Variants in TMEM192 observed in about 807,000 individuals in gnomAD.
The protein encoded by TMEM192 is transmembrane protein 192.
A neutral mutation model predicts 26.7 loss-of-function variants in TMEM192; 20 were observed. That is an observed-to-expected ratio of 0.75 (90% CI 0.53 to 1.09). The LOEUF (loss-of-function observed/expected upper bound fraction) is 1.09, where lower values mean the gene tolerates loss of function less well. Among genes scored for constraint, TMEM192 ranks in the 50% least tolerant of loss-of-function variants. TMEM192 has a pLI of 0.00. For synonymous variants in TMEM192, 124 were observed against 121.0 expected (o/e 1.02, Z -0.16); for missense variants, 304 against 322.6 (o/e 0.94, Z 0.44).
intron 3 of TMEM192, among the ~76,000 whole-genome samples, chr4:165,097,771 C>T (rs978101106): frequency 1.3e-5 from 2 of 151,130 alleles, no homozygotes; most frequent in Non-Finnish European, 2.9e-5. Flanking sequence ...CAGGCTACCA[C>T]ACATGACTAA....
intron 4 of TMEM192, among the ~76,000 whole-genome samples, chr4:165,086,332 G>A (rs1734615473): frequency 6.6e-6 from 1 of 152,100 alleles, no homozygotes; most frequent in South Asian, 2.1e-4. Context: ...ATGTATGGGT[G>A]TGAGGGTGTA....
At chr4:165,085,907 C>T (rs185908755) in intron 4 of TMEM192, among the ~76,000 whole-genome samples, 1 of 147,634 alleles carries the variant, frequency 6.8e-6, no homozygotes, top group African/African-American at 2.4e-5. Flanking sequence ...ACATGAGGCA[C>T]AGTTTAAATG....
chr4:165,100,512 TCAACCTTA>T (rs1735013607), intron 3 of TMEM192, 108 bp downstream of exon 3: 2 of 1,259,264 alleles, frequency 1.6e-6, no homozygotes, highest in African/African-American at 3.0e-5. Flanking sequence ...AGAACACACA[TCAACCTTA>T]CAAAAATGAG....
Position 165,073,043 on chromosome 4 carries a change from G to C in TMEM192, c.*6615C>G, listed in dbSNP as rs1734304683. The C allele has an allele frequency of 6.6e-6, 1 of 152,222 alleles. No individual in the cohort carries two copies. Among genetic ancestry groups the C allele is most frequent in the Admixed American group, 6.6e-5 (1 of 15,248 alleles). 9.4% of individuals were successfully genotyped at this position (152,222 alleles called of 1,614,324 possible). A position where few individuals can be genotyped will look rare whatever the true frequency, so the allele number is the denominator to read the frequency against. On this transcript the variant is annotated 3_prime_UTR_variant, in exon 6 of 6. Coordinates refer to ENST00000306480, the MANE Select transcript of TMEM192 (RefSeq NM_001100389.2). ...AAAGCAACTTGCAAAGCAGACAAAA[G>C]AAGAAGCTAGTGAAGTAGAAGAAAA... is the stretch of plus-strand genomic sequence containing the variant.
chr4:165,100,675 C>A lies in TMEM192; in HGVS notation c.392G>T (p.Arg131Leu). The change falls in exon 3 of 6, where the codon CGA (arginine) becomes CTA (leucine). Residue 131 changes from arginine (R) to leucine (L), a missense_variant. Arg to Leu is a moderately radical substitution (Grantham distance 102). Transcript: ENST00000306480. The stretch of plus-strand genomic sequence containing the variant: ...AAGTCTCTTGAGATGCCTTGTTGAT[C>A]GGTAGATCAAGTTATAGCCTCGGTT... ...IRNRGYNLIY[R>L]STRHLKRLAL... The A allele has an allele frequency of 6.2e-7, 1 of 1,614,108 alleles. No homozygotes were observed. The highest frequency in any genetic ancestry group is 8.5e-7 in the Non-Finnish European group (1 of 1,180,024).
intron 3 of TMEM192, among the ~76,000 whole-genome samples, chr4:165,096,236 C>T (rs919496825): frequency 4.6e-5 from 7 of 151,822 alleles, no homozygotes; most frequent in South Asian, 2.1e-4. Flanking sequence ...GGTGAAGCCT[C>T]GTCTCTACTA....
Position 165,074,982 on chromosome 4 carries a change from A to G in TMEM192, c.*4676T>C, listed in dbSNP as rs1734342589. On this transcript the variant is annotated 3_prime_UTR_variant, in exon 6 of 6. Coordinates refer to ENST00000306480, the MANE Select transcript of TMEM192 (RefSeq NM_001100389.2). ...ATTTATAAAAGACCATATAATTTGG[A>G]AAAAATGTTTAACACTTCATTAGTA... The G allele has an allele frequency of 6.6e-6, 1 of 152,272 alleles. No individual in the cohort carries two copies. Among genetic ancestry groups the G allele is most frequent in the Non-Finnish European group, 1.5e-5 (1 of 68,046 alleles). The allele number at this position is 152,272 out of a possible 1,614,324, so 9.4% of individuals were successfully genotyped here.
chr4:165,091,686 A>G (rs990622659), intron 3 of TMEM192, among the ~76,000 whole-genome samples: 4 of 150,998 alleles, frequency 2.6e-5, no homozygotes, highest in African/African-American at 9.8e-5. Context: ...ATGGAAAAAA[A>G]ATCTACACAT....
At chr4:165,103,122 T>C in intron 1 of TMEM192, 26 bp from the exon 2 acceptor site, 2 of 1,575,970 alleles carry the variant, frequency 1.3e-6, no homozygotes, top group Non-Finnish European at 1.7e-6. Flanking sequence ...ACAAGCAACC[T>C]ATAATCACCA....
In TMEM192 at chr4:165,112,797, C is replaced by T. The variant is rs1255194639; in HGVS notation, c.-24G>A. On this transcript the variant is annotated 5_prime_UTR_variant, in exon 1 of 6. Coordinates refer to ENST00000306480, the MANE Select transcript of TMEM192 (RefSeq NM_001100389.2). ...ATTTCCCGACGCCGGAGGCCGAAGCCCTGGCCAGCCCGGCCTCTCCACCTG... is the reference window on the plus strand; with the variant it reads ...ATTTCCCGACGCCGGAGGCCGAAGCTCTGGCCAGCCCGGCCTCTCCACCTG... The T allele has an allele frequency of 6.2e-7, 1 of 1,604,406 alleles. No individual in the cohort carries two copies. Among genetic ancestry groups the T allele is most frequent in the Non-Finnish European group, 8.5e-7 (1 of 1,178,518 alleles).
intron 3 of TMEM192, among the ~76,000 whole-genome samples, chr4:165,098,775 G>A (rs1489451821): frequency 6.6e-6 from 1 of 151,728 alleles, no homozygotes; most frequent in African/African-American, 2.4e-5. Flanking sequence ...TCGGCTCACT[G>A]TAACCTCTGC....
At chr4:165,092,171 G>GAGTGCAA (rs1029011616) in intron 3 of TMEM192, among the ~76,000 whole-genome samples, 3 of 133,326 alleles carry the variant, frequency 2.3e-5, no homozygotes, top group Non-Finnish European at 3.0e-5. Flanking sequence ...GCCCAGGCTG[G>GAGTGCAA]AGTGCAAAGG....
intron 1 of TMEM192, among the ~76,000 whole-genome samples, chr4:165,107,451 C>T (rs1037194500): frequency 2.0e-5 from 3 of 152,054 alleles, no homozygotes; most frequent in African/African-American, 4.8e-5. Context: ...TCAAGAAATC[C>T]TCCTACCTCA....
chr4:165,112,405 C>A (rs1735316289), intron 1 of TMEM192, among the ~76,000 whole-genome samples: 2 of 152,298 alleles, frequency 1.3e-5, no homozygotes, highest in Non-Finnish European at 2.9e-5. Context: ...TCAGGCCAGG[C>A]GCGCATCACG....
chr4:165,098,498 T>C (rs890563106), intron 3 of TMEM192, among the ~76,000 whole-genome samples: 8 of 150,728 alleles, frequency 5.3e-5, no homozygotes, highest in African/African-American at 1.7e-4. Flanking sequence ...TTGGTAGAGA[T>C]GGGGGAACTC....
At chr4:165,110,462 G>A (rs376896887) in intron 1 of TMEM192, among the ~76,000 whole-genome samples, 72 of 152,320 alleles carry the variant, frequency 4.7e-4, no homozygotes, top group African/African-American at 1.6e-3. Flanking sequence ...GCTCACGCCT[G>A]TAATCCCAAC....
At chr4:165,111,238 C>T (rs1202622691) in intron 1 of TMEM192, among the ~76,000 whole-genome samples, 1 of 152,100 alleles carries the variant, frequency 6.6e-6, no homozygotes, top group East Asian at 1.9e-4. Flanking sequence ...GGATTACAGG[C>T]CCCCACCACC....
chr4:165,095,423 T>A (rs1273694228), intron 3 of TMEM192, among the ~76,000 whole-genome samples: 1 of 152,120 alleles, frequency 6.6e-6, no homozygotes, highest in East Asian at 1.9e-4. Flanking sequence ...CAGACATCAG[T>A]GAGGACTCCA....
At position 165,079,507 on chromosome 4, in the gene TMEM192, C is replaced by A; in HGVS notation, c.*151G>T. On this transcript the variant is annotated 3_prime_UTR_variant, in exon 6 of 6. Coordinates refer to ENST00000306480, the MANE Select transcript of TMEM192 (RefSeq NM_001100389.2). ...CCACAAGCCCTATATTTTAAACAGC[C>A]ACAGAAGTCAGAACCAAATTCAGGT... The A allele has an allele frequency of 1.2e-6, 1 of 805,880 alleles. No individual in the cohort carries two copies. Among genetic ancestry groups the A allele is most frequent in the Non-Finnish European group, 1.8e-6 (1 of 548,508 alleles). 49.9% of individuals were successfully genotyped at this position (805,880 alleles called of 1,614,324 possible). A position where few individuals can be genotyped will look rare whatever the true frequency, so the allele number is the denominator to read the frequency against.
Sources: gnomAD v4.1 joint callset for allele counts (sites outside exome capture counted in the v4.1 genomes callset) on GRCh38, gnomAD v4.1.1 for gene constraint, MANE v1.5 for transcripts, NCBI Gene and HGNC (gene_info 2026-07-23, HGNC 2026-07-21) for gene names.